Variants in MAGI2 observed in about 807,000 individuals in gnomAD.
MAGI2 encodes membrane-associated guanylate kinase, WW and PDZ domain-containing protein 2.
MAGI2 carries 35 observed loss-of-function variants against 133.3 expected under a neutral mutation model. The observed-to-expected ratio is 0.26, with a 90% CI of 0.20 to 0.35. MAGI2 has a LOEUF of 0.35. Ranked by LOEUF, MAGI2 falls within the 10% of genes least tolerant of loss-of-function variation. The pLI, the probability that MAGI2 is intolerant of heterozygous loss-of-function variation, is 1.00. For missense variants in MAGI2, 1,636 were observed against 1,863.4 expected (o/e 0.88, Z 2.25); for synonymous variants, 729 against 710.6 (o/e 1.03, Z -0.41).
chr7:78,226,052 A>G (rs1789341666), intron 10 of MAGI2, among the ~76,000 whole-genome samples: 1 of 152,264 alleles, frequency 6.6e-6, no homozygotes, highest in South Asian at 2.1e-4. Flanking sequence ...TAGAAAATTA[A>G]AAGAGAAAAA....
chr7:78,806,142 G>T (rs1450063542), intron 2 of MAGI2, among the ~76,000 whole-genome samples: 2 of 152,118 alleles, frequency 1.3e-5, no homozygotes, highest in Non-Finnish European at 2.9e-5. Flanking sequence ...AGCAGTATAA[G>T]TGATACTGCT....
At chr7:78,754,558 T>C (rs1207879) in intron 2 of MAGI2, among the ~76,000 whole-genome samples, 151,763 of 152,286 alleles carry the variant, frequency 1, 75,622 homozygotes, top group East Asian at 1. Flanking sequence ...ACATCAAAAT[T>C]CTTAGAGGCT....
chr7:78,201,333 G>T (rs550327437), intron 10 of MAGI2, 140 bp from the exon 11 acceptor site: 1 of 481,408 alleles, frequency 2.1e-6, no homozygotes, highest in Middle Eastern at 5.4e-4. Context: ...TGGCTGTATC[G>T]TTTTCTTCAA....
At chr7:78,098,489 T>A (rs146398156) in intron 20 of MAGI2, among the ~76,000 whole-genome samples, 26 of 152,136 alleles carry the variant, frequency 1.7e-4, no homozygotes, top group African/African-American at 6.0e-4. Flanking sequence ...AGTCTACAGT[T>A]TTTTTATTCT....
chr7:78,064,247 C>T (rs769455709), intron 21 of MAGI2, among the ~76,000 whole-genome samples: 2 of 151,834 alleles, frequency 1.3e-5, no homozygotes. Flanking sequence ...AGCAAGTTAC[C>T]TTTTGAGAGA....
intron 1 of MAGI2, among the ~76,000 whole-genome samples, chr7:79,195,452 C>T (rs1827996936): frequency 6.6e-6 from 1 of 151,974 alleles, no homozygotes; most frequent in Non-Finnish European, 1.5e-5. Flanking sequence ...ATCAATAAAA[C>T]ACTTGTGGTG....
chr7:79,334,182 C>T (rs977007837), intron 1 of MAGI2, among the ~76,000 whole-genome samples: 10 of 152,054 alleles, frequency 6.6e-5, no homozygotes, highest in East Asian at 5.8e-4. Flanking sequence ...TCTTATGTAA[C>T]GTTAGTGTTC....
chr7:78,636,021 G>A (rs771920989), intron 2 of MAGI2, among the ~76,000 whole-genome samples: 1 of 152,134 alleles, frequency 6.6e-6, no homozygotes, highest in Non-Finnish European at 1.5e-5. Context: ...AGTAATGTAG[G>A]CCTTATAGAT....
At chr7:78,258,740 TTATC>T (rs1793244060) in intron 9 of MAGI2, among the ~76,000 whole-genome samples, 1 of 152,202 alleles carries the variant, frequency 6.6e-6, no homozygotes, top group Non-Finnish European at 1.5e-5. Flanking sequence ...TTTGTGATAT[TTATC>T]TATTTTGATA....
intron 21 of MAGI2, chr7:78,072,451 G>A (rs1341008959): frequency 6.6e-6 from 1 of 152,608 alleles, no homozygotes; most frequent in Non-Finnish European, 1.5e-5. Flanking sequence ...TACCTTCAGT[G>A]CCTGCAAAGC....
chr7:78,256,727 G>A, intron 9 of MAGI2, 146 bp from the exon 10 acceptor site: 2 of 680,744 alleles, frequency 2.9e-6, no homozygotes, highest in Admixed American at 6.1e-5. Context: ...AAATCACTGT[G>A]GGTGACTCAA....
intron 9 of MAGI2, among the ~76,000 whole-genome samples, chr7:78,323,285 A>C (rs1372107914): frequency 6.6e-6 from 1 of 152,214 alleles, no homozygotes; most frequent in Non-Finnish European, 1.5e-5. Context: ...AATTTTCCTC[A>C]TAAAACCGAG....
At chr7:78,955,700 C>CCTTT (rs1212475172) in intron 2 of MAGI2, among the ~76,000 whole-genome samples, 10 of 55,240 alleles carry the variant, frequency 1.8e-4, no homozygotes, top group African/African-American at 2.2e-4. Context: ...TTTCTCTCTC[C>CCTTT]CTTTCTTTCT....
intron 2 of MAGI2, among the ~76,000 whole-genome samples, chr7:78,855,510 T>G (rs866705734): frequency 6.6e-6 from 1 of 152,196 alleles, no homozygotes; most frequent in Admixed American, 6.5e-5. Context: ...TGGTGTTTGG[T>G]CTTCTGTCCT....
chr7:78,144,865 C>T (rs1823136720), intron 16 of MAGI2, among the ~76,000 whole-genome samples: 1 of 152,118 alleles, frequency 6.6e-6, no homozygotes, highest in African/African-American at 2.4e-5. Flanking sequence ...GATCCATCAT[C>T]TAGGTTCTCT....
intron 1 of MAGI2, among the ~76,000 whole-genome samples, chr7:79,329,463 C>T (rs897695621): frequency 1.3e-5 from 2 of 152,198 alleles, no homozygotes; most frequent in African/African-American, 4.8e-5. Flanking sequence ...AATATTTAAA[C>T]ATTGCCAAGG....
intron 2 of MAGI2, among the ~76,000 whole-genome samples, chr7:78,636,027 T>C (rs944377833): frequency 1.3e-5 from 2 of 152,232 alleles, no homozygotes; most frequent in Admixed American, 6.5e-5. Flanking sequence ...GTAGGCCTTA[T>C]AGATTTCCTG....
chr7:78,209,029 G>T (rs12671854), intron 10 of MAGI2, among the ~76,000 whole-genome samples: 139,906 of 147,506 alleles, frequency 0.95, 66,741 homozygotes, highest in Non-Finnish European at 1. Context: ...GAGACCATCT[G>T]GGCTAACACG....
At chr7:79,034,173 T>C (rs1810896731) in intron 1 of MAGI2, among the ~76,000 whole-genome samples, 1 of 152,208 alleles carries the variant, frequency 6.6e-6, no homozygotes, top group Non-Finnish European at 1.5e-5. Flanking sequence ...TGCATGGAGC[T>C]GTCACAGGAC....
Sources: allele counts gnomAD v4.1 joint callset (sites outside exome capture counted in the v4.1 genomes callset), GRCh38; gene constraint gnomAD v4.1.1; transcripts MANE v1.5; gene names NCBI Gene and HGNC (gene_info 2026-07-23, HGNC 2026-07-21).